Variants in ENPP2 observed in about 807,000 individuals in gnomAD.
ENPP2 encodes ectonucleotide pyrophosphatase/phosphodiesterase 2, also known as autotaxin.
ENPP2 carries 51 observed loss-of-function variants against 120.2 expected under a neutral mutation model. The ratio of observed to expected loss-of-function variants is 0.42; its 90% CI spans 0.34 to 0.54. The LOEUF (loss-of-function observed/expected upper bound fraction) is 0.54, where lower values mean the gene tolerates loss of function less well. Among genes scored for constraint, ENPP2 ranks in the 20% least tolerant of loss-of-function variants. ENPP2 has a pLI of 0.04. For synonymous variants in ENPP2, 365 were observed against 366.4 expected (o/e 1.00, Z 0.04); for missense variants, 920 against 1,066.5 (o/e 0.86, Z 1.91).
intron 1 of ENPP2, among the ~76,000 whole-genome samples, chr8:119,666,059 G>A (rs768379985): frequency 3.3e-5 from 5 of 152,270 alleles, no homozygotes; most frequent in Middle Eastern, 3.4e-3. Context: ...GGCAATATTC[G>A]TGGTATGCTG....
intron 1 of ENPP2, among the ~76,000 whole-genome samples, chr8:119,646,913 C>T (rs1817484616): frequency 6.6e-6 from 1 of 152,086 alleles, no homozygotes; most frequent in Non-Finnish European, 1.5e-5. Flanking sequence ...TCAGGTGTCA[C>T]TCCGCTGTGA....
In ENPP2 at chr8:119,665,378, T is replaced by C. The variant is rs114716362; in HGVS notation, c.21+7874A>G. On this transcript the variant is annotated intron_variant, in intron 1 of 25. Coordinates refer to the ENPP2 transcript ENST00000427067. ...TGGGTCTTTAAGACGATAAATTATT[T>C]ACTTTGGAATAAGGTTTCAAGTCTG... Among the ~76,000 whole-genome samples, 1,119 of 152,326 alleles carry C rather than the reference T, an allele frequency of 7.3e-3. 14 individuals are homozygous for C. Among genetic ancestry groups the C allele is most frequent in the African/African-American group, 0.024 (998 of 41,572 alleles).
chr8:119,664,217 GA>G (rs756904625), intron 1 of ENPP2, among the ~76,000 whole-genome samples: 139 of 152,320 alleles, frequency 9.1e-4, no homozygotes, highest in Non-Finnish European at 1.6e-3. Context: ...AGAGAAGGAA[GA>G]TGATATTTGA....
intron 20 of ENPP2, 136 bp from the exon 21 acceptor site, chr8:119,569,506 A>T (rs1814774835): frequency 1.3e-6 from 1 of 751,130 alleles, no homozygotes; most frequent in Non-Finnish European, 2.0e-6. Context: ...TATCTTTGAT[A>T]GTCTGACTTC....
rs751624004 is a variant in ENPP2 at position 119,557,648 on chromosome 8, A to T, written c.2465T>A (p.Met822Lys). The change falls in exon 25 of 25, where the codon ATG becomes AAG. Residue 822 changes from methionine to lysine, a missense_variant. Physicochemically the swap from Met to Lys is moderately conservative, Grantham distance 95. Transcript: ENST00000075322. Reference protein sequence around the residue: ...ESKWVEELMKMHTARVRDIEH... With the variant: ...ESKWVEELMKKHTARVRDIEH... ...AATGTCACGCACCCTAGCTGTGTGC[A>T]TCTTCATGAGTTCTTCTACCCATTT... 1.3e-6 allele frequency: 2 copies of T among 1,599,572 alleles called. No individual in the cohort carries two copies. Among genetic ancestry groups the T allele is most frequent in the Non-Finnish European group, 1.7e-6 (2 of 1,175,838 alleles).
At chr8:119,634,046 G>A (rs1038754600) in intron 2 of ENPP2, among the ~76,000 whole-genome samples, 12 of 152,210 alleles carry the variant, frequency 7.9e-5, no homozygotes, top group East Asian at 5.8e-4. Context: ...AGCCTGGCGC[G>A]GTGGTGGGCG....
At chr8:119,591,499 G>A (rs1205025377) in intron 12 of ENPP2, among the ~76,000 whole-genome samples, 1 of 152,144 alleles carries the variant, frequency 6.6e-6, no homozygotes, top group Non-Finnish European at 1.5e-5. Context: ...TTATTGAAAT[G>A]TATGAGATGA....
In ENPP2 at chr8:119,637,219, A is replaced by T. The variant is rs140838787; in HGVS notation, c.136+1206T>A. On this transcript the variant is annotated intron_variant, in intron 2 of 24. Coordinates refer to ENST00000075322, the MANE Select transcript of ENPP2 (RefSeq NM_001040092.3). ...GGCCTTTGAAGAGAGCATTTGCTGC[A>T]AATAAAAACAGCATTCTCTAGCTCA... Among the ~76,000 whole-genome samples the T allele has an allele frequency of 3.8e-3, 583 of 152,226 alleles. 4 individuals are homozygous for T. The highest frequency in any genetic ancestry group is 0.013 in the African/African-American group (546 of 41,528).
chr8:119,562,608 A>C (rs1002557816), intron 24 of ENPP2, among the ~76,000 whole-genome samples: 1 of 152,194 alleles, frequency 6.6e-6, no homozygotes, highest in African/African-American at 2.4e-5. Context: ...AAACATTTGG[A>C]CATTTATTTC....
chr8:119,567,282 G>A (rs368365661), intron 22 of ENPP2, among the ~76,000 whole-genome samples: 10 of 152,198 alleles, frequency 6.6e-5, no homozygotes, highest in Non-Finnish European at 2.9e-5. Context: ...ACAGGGGGAT[G>A]GATGGATGAA....
chr8:119,601,740 C>T (rs921169772), intron 9 of ENPP2, among the ~76,000 whole-genome samples: 4 of 152,160 alleles, frequency 2.6e-5, no homozygotes, highest in Non-Finnish European at 5.9e-5. Flanking sequence ...AGAAACTCCA[C>T]TACAAGCAGA....
In ENPP2 at chr8:119,564,723, G is replaced by C. The variant is rs1814264261; in HGVS notation, c.2264+100C>G. ...ATATTGAAAAATTCAAAAAACTTAA[G>C]GGGTGTCATCTCTTCTCTAGTATAT... On this transcript the variant is annotated intron_variant, in intron 23 of 24. Transcript: ENST00000075322. 31 of 822,824 alleles carry C rather than the reference G, an allele frequency of 3.8e-5. 1 individual carries two copies. The South Asian group carries it at 9.8e-4, about 26-fold the overall frequency. 51.0% of individuals were successfully genotyped at this position (822,824 alleles called of 1,614,324 possible).
At chr8:119,559,408 C>T (rs1055199651) in intron 24 of ENPP2, among the ~76,000 whole-genome samples, 1 of 152,116 alleles carries the variant, frequency 6.6e-6, no homozygotes, top group Non-Finnish European at 1.5e-5. Context: ...TAAATGATGG[C>T]TAGCTGGGAT....
At chr8:119,671,068 C>CT (rs1299287879) in intron 1 of ENPP2, among the ~76,000 whole-genome samples, 2 of 147,554 alleles carry the variant, frequency 1.4e-5, no homozygotes, top group African/African-American at 2.5e-5. Context: ...AGGCAGATCA[C>CT]TTGAGGTCAA....
intron 5 of ENPP2, chr8:119,618,129 T>C (rs1815604547): frequency 2.9e-6 from 1 of 347,978 alleles, no homozygotes; most frequent in Admixed American, 4.1e-5. Context: ...ATTTCTGTTT[T>C]GTAACAAATA....
chr8:119,582,660 G>T, intron 17 of ENPP2, 58 bp from the exon 18 acceptor site: 1 of 1,269,574 alleles, frequency 7.9e-7, no homozygotes, highest in Non-Finnish European at 1.1e-6. Context: ...ATGAGATATG[G>T]TAAGATTTAA....
At chr8:119,667,207 T>A (rs907570271) in intron 1 of ENPP2, among the ~76,000 whole-genome samples, 12 of 152,168 alleles carry the variant, frequency 7.9e-5, no homozygotes, top group African/African-American at 2.7e-4. Flanking sequence ...GTGAACTTTA[T>A]ACACAGAATC....
At chr8:119,564,609 C>T (rs1214145441) in intron 23 of ENPP2, among the ~76,000 whole-genome samples, 9 of 151,688 alleles carry the variant, frequency 5.9e-5, no homozygotes, top group Admixed American at 3.3e-4. Flanking sequence ...ACCCAGGAGG[C>T]GGAGGTTGCA....
Position 119,601,406 on chromosome 8 carries a change from T to A in ENPP2, c.890A>T (p.Asp297Val). The change falls in exon 10 of 25, where the codon GAT becomes GTT. Residue 297 changes from aspartate (D) to valine (V), a missense_variant. Transcript: ENST00000075322. ...LTILQWLTLP[D>V]HERPSVYAFY... Reference sequence around the variant, plus strand: ...AGAGAGAAATAAATACCTCTCATGATCTGGCAGGGTGAGCCACTGCAATAT... The same window carrying A: ...AGAGAGAAATAAATACCTCTCATGAACTGGCAGGGTGAGCCACTGCAATAT... The A allele has an allele frequency of 6.2e-7, 1 of 1,603,842 alleles. No individual in the cohort carries two copies. Among genetic ancestry groups the A allele is most frequent in the East Asian group, 2.2e-5 (1 of 44,790 alleles).
Sources: gnomAD v4.1 joint callset for allele counts (sites outside exome capture counted in the v4.1 genomes callset) on GRCh38, gnomAD v4.1.1 for gene constraint, MANE v1.5 for transcripts, NCBI Gene and HGNC (gene_info 2026-07-23, HGNC 2026-07-21) for gene names.